Variants in HDLBP observed in about 807,000 individuals in gnomAD.
HDLBP encodes the protein vigilin.
HDLBP carries 30 observed loss-of-function variants against 137.3 expected under a neutral mutation model. The ratio of observed to expected loss-of-function variants is 0.22; its 90% CI spans 0.16 to 0.30. The LOEUF is 0.30. Ranked by LOEUF, HDLBP falls within the 10% of genes least tolerant of loss-of-function variation. HDLBP has a pLI of 1.00. For missense variants in HDLBP, 1,119 were observed against 1,667.3 expected, an observed-to-expected ratio of 0.67 and a Z score of 5.73; for synonymous variants, 606 against 596.0, an observed-to-expected ratio of 1.02 and a Z score of -0.24.
At chr2:241,261,965 T>C (rs1278082600) in intron 5 of HDLBP, among the ~76,000 whole-genome samples, 2 of 152,220 alleles carry the variant, frequency 1.3e-5, no homozygotes, top group Non-Finnish European at 2.9e-5. Context: ...CATTCCTAAA[T>C]AAGCCTATCT....
chr2:241,310,437 C>T (rs777709683), intron 1 of HDLBP, among the ~76,000 whole-genome samples: 5 of 152,140 alleles, frequency 3.3e-5, no homozygotes, highest in Non-Finnish European at 5.9e-5. Flanking sequence ...CCACAAAAAA[C>T]TTAAAGTATT....
At chr2:241,246,941 C>A in intron 15 of HDLBP, 58 bp from the exon 16 acceptor site, 1 of 1,598,126 alleles carries the variant, frequency 6.3e-7, no homozygotes, top group Non-Finnish European at 8.6e-7. Context: ...AGTTGAGACA[C>A]AGTTGAGCAC....
intron 5 of HDLBP, among the ~76,000 whole-genome samples, chr2:241,258,080 C>G (rs543905103): frequency 6.6e-6 from 1 of 152,102 alleles, no homozygotes; most frequent in African/African-American, 2.4e-5. Flanking sequence ...ATGGTGAGAC[C>G]TGACTTCTAC....
rs2074175993 is a variant in HDLBP at position 241,272,600 on chromosome 2, CGG to C, written c.-102-4061_-102-4060del. ...GCGCGGTAAGCAGGACACCCGCGGG[CGG>C]GGGCCGCAGCCTGGGGCCCGGGTGG... is the stretch of plus-strand genomic sequence containing the variant. On this transcript the variant is annotated intron_variant, in intron 1 of 27. Transcript: ENST00000310931. This position sits in a 1 kb window ranked among gnomAD's most constrained non-coding sequence, Gnocchi z 5.6. 1.0e-6 allele frequency: 1 copy of C among 983,234 alleles called. No individual in the cohort carries two copies. Among genetic ancestry groups the C allele is most frequent in the African/African-American group, 1.8e-5 (1 of 56,958 alleles). 60.9% of individuals were successfully genotyped at this position (983,234 alleles called of 1,614,324 possible).
rs745739712 is a variant in HDLBP at position 241,255,131 on chromosome 2, C to T, written c.1108G>A (p.Ala370Thr). The T allele has an allele frequency of 1.5e-5, 25 of 1,614,048 alleles. No individual in the cohort carries two copies. The highest frequency in any genetic ancestry group is 8.9e-5 in the East Asian group (4 of 44,874). Residue 370 changes from alanine to threonine, a missense_variant, in exon 9 of 28, where the codon GCC becomes ACC. By Grantham distance (58) the Ala-to-Thr change is moderately conservative. This residue lies in a region of HDLBP where 425 missense variants were observed against 693.9 expected (regional missense o/e 0.61). Coordinates refer to ENST00000310931, the MANE Select transcript of HDLBP (RefSeq NM_005336.6). The part of the protein sequence containing the change: ...KANSFTVSSV[A>T]APSWLHRFII... ...AAACGGTGAAGCCAGGAAGGGGCGG[C>T]GACAGAGGAGACGGTGAAGCTATTG...
intron 11 of HDLBP, chr2:241,250,502 A>C (rs574269920): frequency 1.3e-5 from 2 of 152,920 alleles, no homozygotes; most frequent in East Asian, 3.8e-4. Flanking sequence ...CTGTGTCTGC[A>C]AGACAAGTGC....
rs926666964 is a variant in HDLBP, at chr2:241,273,090, G to A, written c.-102-4549C>T. ...AAGAACCCGAGTGGAAACAACCGAAGACCAGAAAGGGAGCAGGAAGGACGG... is the reference window on the plus strand; with the variant it reads ...AAGAACCCGAGTGGAAACAACCGAAAACCAGAAAGGGAGCAGGAAGGACGG... On this transcript the variant is annotated intron_variant, in intron 1 of 27. Coordinates refer to ENST00000310931, the MANE Select transcript of HDLBP (RefSeq NM_005336.6). 1.3e-5 allele frequency: 13 copies of A among 985,448 alleles called. No homozygotes were observed. In the African/African-American group the frequency reaches 2.1e-4, roughly 16 times the overall value. The allele number at this position is 985,448 out of a possible 1,614,324, so 61.0% of individuals were successfully genotyped here.
At chr2:241,286,475 C>A (rs1383655598) in intron 1 of HDLBP, among the ~76,000 whole-genome samples, 1 of 152,208 alleles carries the variant, frequency 6.6e-6, no homozygotes, top group Admixed American at 6.5e-5. Flanking sequence ...CTCTTACCTG[C>A]CTGTGACTTG....
At chr2:241,278,312 G>A (rs758280254) in intron 1 of HDLBP, among the ~76,000 whole-genome samples, 23 of 152,240 alleles carry the variant, frequency 1.5e-4, no homozygotes, top group Non-Finnish European at 2.5e-4. Flanking sequence ...GGCTGGGCAC[G>A]GTGGCTCGTG....
rs752046294 is a variant in HDLBP, at chr2:241,253,039, C to A, written c.1294-4G>T. 3 of 1,601,432 alleles carry A rather than the reference C, an allele frequency of 1.9e-6. No individual in the cohort carries two copies. Among genetic ancestry groups the A allele is most frequent in the South Asian group, 1.1e-5 (1 of 90,806 alleles). ...CCACATAGTCCATCCGGTTAATCTG[C>A]AGGAGGAGCACAGAGGTCCATGGAT... On this transcript the variant is annotated splice_polypyrimidine_tract_variant and splice_region_variant and intron_variant, in intron 10 of 27. Coordinates refer to ENST00000310931, the MANE Select transcript of HDLBP (RefSeq NM_005336.6).
chr2:241,256,210 G>A lies in HDLBP; in HGVS notation c.847C>T (p.Arg283Cys), dbSNP rs766108090. 4.3e-6 allele frequency: 7 copies of A among 1,614,042 alleles called. No individual in the cohort carries two copies. Among genetic ancestry groups the A allele is most frequent in the African/African-American group, 1.3e-5 (1 of 75,010 alleles). Residue 283 changes from arginine (R) to cysteine (C), a missense_variant, in exon 7 of 28, where the codon CGC becomes TGC. Transcript: ENST00000310931. Reference protein sequence around the residue: ...EKEQLAQAVARIKKIYEEKKK... With the variant: ...EKEQLAQAVACIKKIYEEKKK... ...TTCTCCTCATAAATCTTCTTGATGC[G>A]AGCCACAGCCTGAGCCAACTGTTCC... is the stretch of plus-strand genomic sequence containing the variant.
chr2:241,251,960 A>G (rs1195172999), intron 11 of HDLBP, among the ~76,000 whole-genome samples: 7 of 152,112 alleles, frequency 4.6e-5, no homozygotes, highest in Non-Finnish European at 7.4e-5. Flanking sequence ...CTGGTGACAG[A>G]GCGAGACTCC....
At chr2:241,263,313 C>G (rs915077099) in intron 4 of HDLBP, among the ~76,000 whole-genome samples, 3 of 152,166 alleles carry the variant, frequency 2.0e-5, no homozygotes, top group Admixed American at 1.3e-4. Flanking sequence ...GGCAGGAAAG[C>G]GGAGGAGGTG....
chr2:241,295,560 T>C (rs1335238091), intron 1 of HDLBP, among the ~76,000 whole-genome samples: 1 of 152,062 alleles, frequency 6.6e-6, no homozygotes, highest in Non-Finnish European at 1.5e-5. Context: ...AAGATGTCTG[T>C]TCTATTCCAA....
intron 9 of HDLBP, among the ~76,000 whole-genome samples, chr2:241,254,658 G>A (rs1346857599): frequency 1.3e-5 from 2 of 151,984 alleles, no homozygotes; most frequent in African/African-American, 4.8e-5. Flanking sequence ...CTAATTTTTT[G>A]TATTTTTAGT....
chr2:241,252,649 A>G (rs2072286486), intron 11 of HDLBP, among the ~76,000 whole-genome samples: 1 of 152,234 alleles, frequency 6.6e-6, no homozygotes, highest in African/African-American at 2.4e-5. Context: ...TCTGACGGAA[A>G]TATAGAGAAT....
At chr2:241,297,942 G>C (rs1250213129) in intron 1 of HDLBP, among the ~76,000 whole-genome samples, 1 of 150,974 alleles carries the variant, frequency 6.6e-6, no homozygotes, top group Middle Eastern at 3.4e-3. Flanking sequence ...CAGCTACCGG[G>C]GAGGCTGAGG....
Position 241,266,791 on chromosome 2 carries a change from C to T in HDLBP, c.76+3G>A. 1 of 1,587,300 alleles carries T rather than the reference C, an allele frequency of 6.3e-7. No individual in the cohort carries two copies. The highest frequency in any genetic ancestry group is 1.1e-5 in the South Asian group (1 of 90,554). ...CAGGAAGAGCACATAAAAGGGCTGT[C>T]ACCTTTGATTTGTTGCGGAACCAGC... is the stretch of plus-strand genomic sequence containing the variant. On this transcript the variant is annotated splice_donor_region_variant and intron_variant, in intron 3 of 27. Transcript: ENST00000310931.
At chr2:241,300,855 C>A (rs2075369862) in intron 1 of HDLBP, among the ~76,000 whole-genome samples, 1 of 152,134 alleles carries the variant, frequency 6.6e-6, no homozygotes, top group Non-Finnish European at 1.5e-5. Context: ...GCTGGCCAGG[C>A]AGCTCCAAGC....
Sources: allele counts gnomAD v4.1 joint callset (sites outside exome capture counted in the v4.1 genomes callset), GRCh38; gene constraint gnomAD v4.1.1; regional missense constraint gnomAD v4.1.1; non-coding constraint Gnocchi (gnomAD v3.1); transcripts MANE v1.5; gene names NCBI Gene and HGNC (gene_info 2026-07-23, HGNC 2026-07-21).